COPG2: variants seen among roughly 807,000 people sequenced by gnomAD.
COPG2 encodes the protein coatomer subunit gamma-2.
COPG2 carries 37 observed loss-of-function variants against 46.3 expected under a neutral mutation model. The ratio of observed to expected loss-of-function variants is 0.80; its 90% CI spans 0.61 to 1.05. The LOEUF is 1.05. Ranked by LOEUF, COPG2 falls within the 50% of genes least tolerant of loss-of-function variation. COPG2 has a pLI of 0.00. For missense variants in COPG2, 427 were observed against 387.8 expected, an observed-to-expected ratio of 1.10 and a Z score of -0.85; for synonymous variants, 159 against 129.7, an observed-to-expected ratio of 1.23 and a Z score of -1.53.
chr7:130,553,084 G>GA (rs1793558621), intron 14 of COPG2, among the ~76,000 whole-genome samples: 1 of 152,190 alleles, frequency 6.6e-6, no homozygotes, highest in African/African-American at 2.4e-5. Flanking sequence ...CTGTTAGCCA[G>GA]AGGAAAAAGG....
chr7:130,621,161 C>T (rs545600933), intron 5 of COPG2, among the ~76,000 whole-genome samples: 147 of 152,242 alleles, frequency 9.7e-4, no homozygotes, highest in African/African-American at 3.2e-3. Context: ...TGCAAGTAGC[C>T]TCCAGAAGCT....
intron 9 of COPG2, among the ~76,000 whole-genome samples, chr7:130,597,687 A>G (rs1794555909): frequency 6.6e-6 from 1 of 152,218 alleles, no homozygotes; most frequent in South Asian, 2.1e-4. Flanking sequence ...GTGAGCTATA[A>G]TAAAATAAGG....
At chr7:130,659,901 A>G (rs1458685783) in intron 4 of COPG2, among the ~76,000 whole-genome samples, 2 of 152,170 alleles carry the variant, frequency 1.3e-5, no homozygotes, top group Non-Finnish European at 2.9e-5. Context: ...GACAACTCAA[A>G]AACAACAACA....
chr7:130,604,756 T>C, intron 9 of COPG2: 1 of 513,730 alleles, frequency 1.9e-6, no homozygotes, highest in Middle Eastern at 3.2e-4. Flanking sequence ...TCACAATCTC[T>C]AGGGGAAAGC....
chr7:130,587,264 A>G (rs369186091), intron 9 of COPG2, among the ~76,000 whole-genome samples: 3 of 151,878 alleles, frequency 2.0e-5, no homozygotes, highest in East Asian at 1.9e-4. Context: ...CCGAGATGGC[A>G]CCACTGCACT....
At chr7:130,522,496 G>T (rs1473522407) in intron 20 of COPG2, among the ~76,000 whole-genome samples, 1 of 152,038 alleles carries the variant, frequency 6.6e-6, no homozygotes, top group Non-Finnish European at 1.5e-5. Context: ...TACGAAGGGG[G>T]TTTAGAGTAT....
intron 5 of COPG2, among the ~76,000 whole-genome samples, chr7:130,651,993 T>C (rs1795756741): frequency 6.6e-6 from 1 of 152,214 alleles, no homozygotes; most frequent in Non-Finnish European, 1.5e-5. Context: ...ATACGTAGAT[T>C]GACTCCAACC....
chr7:130,549,233 A>G (rs1012839900), intron 18 of COPG2, 81 bp downstream of exon 18: 9 of 398,056 alleles, frequency 2.3e-5, no homozygotes, highest in African/African-American at 1.6e-4. Flanking sequence ...GAACCGATCA[A>G]TTTGAGTAAG....
At chr7:130,506,930 G>A in intron 23 of COPG2, 124 bp from the exon 24 acceptor site, 1 of 610,258 alleles carries the variant, frequency 1.6e-6, no homozygotes, top group African/African-American at 1.9e-5. Flanking sequence ...AGAGACTTGT[G>A]GAAACTGAAT....
intron 21 of COPG2, chr7:130,508,042 G>A (rs1434218603): frequency 3.9e-6 from 2 of 508,684 alleles, no homozygotes; most frequent in Admixed American, 3.5e-5. Flanking sequence ...CTGTAGCCCT[G>A]AGGTACAGAG....
At chr7:130,656,014 T>C (rs974714837) in intron 4 of COPG2, among the ~76,000 whole-genome samples, 1 of 152,200 alleles carries the variant, frequency 6.6e-6, no homozygotes, top group African/African-American at 2.4e-5. Context: ...TTGAAATGTG[T>C]TGTGTCTTGC....
At chr7:130,637,542 C>A (rs1418103813) in intron 5 of COPG2, among the ~76,000 whole-genome samples, 1 of 152,116 alleles carries the variant, frequency 6.6e-6, no homozygotes, top group Non-Finnish European at 1.5e-5. Flanking sequence ...GTATGCTTCA[C>A]GATGTTCTCA....
intron 9 of COPG2, among the ~76,000 whole-genome samples, chr7:130,609,508 T>G (rs569025872): frequency 8.5e-5 from 13 of 152,236 alleles, no homozygotes; most frequent in Non-Finnish European, 1.6e-4. Flanking sequence ...CTTCTTCCTT[T>G]TGTAAATTGC....
intron 20 of COPG2, among the ~76,000 whole-genome samples, chr7:130,532,979 A>C (rs1799843645): frequency 6.6e-6 from 1 of 152,062 alleles, no homozygotes; most frequent in Non-Finnish European, 1.5e-5. Context: ...TAGAGGAGGA[A>C]AGCAGGAGAA....
rs1437817278 is a variant in COPG2 at position 130,583,212 on chromosome 7, T to C, written c.738-18819A>G. On this transcript the variant is annotated intron_variant, in intron 9 of 23. Coordinates refer to ENST00000425248, the MANE Select transcript of COPG2 (RefSeq NM_012133.6). Reference sequence around the variant, plus strand: ...GTTCTTTGTAGGGACATGGATGAAATTGGAAATCATCATTCTCAGTAAACT... The same window carrying C: ...GTTCTTTGTAGGGACATGGATGAAACTGGAAATCATCATTCTCAGTAAACT... 1.3e-4 allele frequency among the ~76,000 whole-genome samples: 20 copies of C among 151,292 alleles called. No individual in the cohort carries two copies. The East Asian group carries it at 2.5e-3, about 19-fold the overall frequency.
intron 9 of COPG2, among the ~76,000 whole-genome samples, chr7:130,598,693 G>A (rs1794575875): frequency 6.6e-6 from 1 of 152,222 alleles, no homozygotes; most frequent in Non-Finnish European, 1.5e-5. Context: ...GGAGGGGCTT[G>A]CGCTGCAATA....
chr7:130,589,306 C>G (rs1794351254), intron 9 of COPG2, among the ~76,000 whole-genome samples: 1 of 151,130 alleles, frequency 6.6e-6, no homozygotes, highest in African/African-American at 2.4e-5. Context: ...AGAGTCGGGT[C>G]TCACTGTGTC....
chr7:130,587,360 G>A (rs1794297304), intron 9 of COPG2, among the ~76,000 whole-genome samples: 1 of 151,790 alleles, frequency 6.6e-6, no homozygotes, highest in Non-Finnish European at 1.5e-5. Flanking sequence ...CTAACAGAAG[G>A]CTCTATTCTC....
At chr7:130,609,472 C>A (rs1794799217) in intron 9 of COPG2, among the ~76,000 whole-genome samples, 1 of 152,176 alleles carries the variant, frequency 6.6e-6, no homozygotes, top group Non-Finnish European at 1.5e-5. Context: ...GCTTCCCCAG[C>A]CACGTGGAAT....
Sources: gnomAD v4.1 joint callset for allele counts (sites outside exome capture counted in the v4.1 genomes callset) on GRCh38, gnomAD v4.1.1 for gene constraint, MANE v1.5 for transcripts, NCBI Gene and HGNC (gene_info 2026-07-23, HGNC 2026-07-21) for gene names.